The following CD109 variants were observed in gnomAD, a reference collection of about 807,000 sequenced individuals.
CD109 encodes CD109 antigen.
In CD109, 149 loss-of-function variants were observed where a neutral mutation model predicts 165.8. The observed-to-expected ratio is 0.90, with a 90% confidence interval of 0.79 to 1.03. CD109 has a LOEUF of 1.03. Ranked by LOEUF, CD109 falls within the 50% of genes least tolerant of loss-of-function variation. CD109 has a pLI of 0.00. For synonymous variants in CD109, 585 were observed against 592.1 expected (o/e 0.99, Z 0.18); for missense variants, 1,712 against 1,677.8 (o/e 1.02, Z -0.36).
At chr6:73,738,592 T>C (rs968709636) in intron 5 of CD109, among the ~76,000 whole-genome samples, 1 of 152,220 alleles carries the variant, frequency 6.6e-6, no homozygotes, top group Non-Finnish European at 1.5e-5. Flanking sequence ...ATTTATAGGA[T>C]TTATCATGTT....
intron 3 of CD109, 68 bp from the exon 4 acceptor site, chr6:73,730,276 A>C: frequency 5.0e-6 from 5 of 995,906 alleles, no homozygotes; most frequent in Non-Finnish European, 7.7e-6. Flanking sequence ...TTTTATTCTA[A>C]CTTGCAATTA....
Position 73,807,069 on chromosome 6 carries a change from T to C in CD109, c.3186T>C (p.Tyr1062=), listed in dbSNP as rs771838217. 1.9e-6 allele frequency: 3 copies of C among 1,605,934 alleles called. No homozygotes were observed. In the East Asian group the frequency reaches 6.7e-5, roughly 36 times the overall value. The change falls in exon 25 of 33, where the codon TAT becomes TAC. Residue 1062 remains tyrosine, a synonymous_variant. Transcript: ENST00000287097. ...IVTSLLGYRK[Y]QPNIDVQESI... Reference sequence around the variant, plus strand: ...CTTCTCTCCTGGGATATAGAAAGTATCAGGTATTTCGTATTTAATTTAATA... The same window carrying C: ...CTTCTCTCCTGGGATATAGAAAGTACCAGGTATTTCGTATTTAATTTAATA...
rs115957710 is a variant in CD109, at chr6:73,802,760, G to A, written c.2879-460G>A. On this transcript the variant is annotated intron_variant, in intron 23 of 32. Transcript: ENST00000287097. ...GTTGCCTAGGCTGGAGTGCAATGAC[G>A]CAAATCTCGGCTCACTGCAACCTCT... Among the ~76,000 whole-genome samples the A allele has an allele frequency of 6.3e-3, 930 of 148,798 alleles. 11 individuals carry two copies. The highest frequency in any genetic ancestry group is 0.022 in the African/African-American group (875 of 40,256).
In CD109 at chr6:73,762,495, C is replaced by T. The variant is rs1366858283; in HGVS notation, c.855+15C>T. The T allele has an allele frequency of 2.7e-6, 4 of 1,476,822 alleles. No homozygotes were observed. Among genetic ancestry groups the T allele is most frequent in the East Asian group, 2.3e-5 (1 of 44,104 alleles). 91.5% of individuals were successfully genotyped at this position (1,476,822 alleles called of 1,614,324 possible). A position where few individuals can be genotyped will look rare whatever the true frequency, so the allele number is the denominator to read the frequency against. The stretch of plus-strand genomic sequence containing the variant: ...AAACATTTAAGGTAACTTTTGCAGA[C>T]ACTTTATAACTTGTGATGGGTAAAA... On this transcript the variant is annotated intron_variant, in intron 8 of 32. Coordinates refer to ENST00000287097, the MANE Select transcript of CD109 (RefSeq NM_133493.5).
At position 73,764,833 on chromosome 6, in the gene CD109, A is replaced by G. The variant is rs1031559466; in HGVS notation, c.1108-1097A>G. Among the ~76,000 whole-genome samples the G allele has an allele frequency of 2.6e-5, 4 of 151,258 alleles. No homozygotes were observed. The East Asian group carries it at 7.7e-4, about 29-fold the overall frequency. ...CTCCATTTCAAAAAAAAAAAAAAAA[A>G]CAACTAAAACGACAAAGAAAGAATG... On this transcript the variant is annotated intron_variant, in intron 10 of 32. Coordinates refer to ENST00000287097, the MANE Select transcript of CD109 (RefSeq NM_133493.5).
At position 73,807,044 on chromosome 6, in the gene CD109, C is replaced by G. The variant is rs141815508; in HGVS notation, c.3161C>G (p.Thr1054Ser). Residue 1054 changes from threonine (T) to serine (S), a missense_variant, in exon 25 of 33, where the codon ACT (threonine) becomes AGT (serine). Physicochemically the swap from Thr to Ser is moderately conservative, Grantham distance 58 (BLOSUM62 1). Transcript: ENST00000287097. ...SPVTLTAYIV[T>S]SLLGYRKYQP... is the part of the protein sequence containing the mutation. ...GTAACACTTACAGCCTATATTGTAACTTCTCTCCTGGGATATAGAAAGTAT... is the reference window on the plus strand; with the variant it reads ...GTAACACTTACAGCCTATATTGTAAGTTCTCTCCTGGGATATAGAAAGTAT... 2.2e-4 allele frequency: 361 copies of G among 1,613,076 alleles called. 1 individual carries two copies. Among genetic ancestry groups the G allele is most frequent in the Non-Finnish European group, 2.9e-4 (337 of 1,179,190 alleles).
chr6:73,803,236 T>C lies in CD109; in HGVS notation c.2895T>C (p.Leu965=), dbSNP rs1369262538. ...TGTGTCTAGGTTACCAGAGAGAACT[T>C]CTCTATCAGAGGGAAGATGGCTCTT... is the stretch of plus-strand genomic sequence containing the variant. ...SFMRQGYQRE[L]LYQREDGSFS... Residue 965 remains leucine, a synonymous_variant, in exon 24 of 33, where the codon CTT becomes CTC. Transcript: ENST00000287097. 1.9e-6 allele frequency: 3 copies of C among 1,611,044 alleles called. No individual in the cohort carries two copies. The South Asian group carries it at 3.3e-5, about 18-fold the overall frequency.
chr6:73,727,572 AT>A (rs1295181466), intron 3 of CD109, among the ~76,000 whole-genome samples: 1 of 152,202 alleles, frequency 6.6e-6, no homozygotes, highest in African/African-American at 2.4e-5. Flanking sequence ...AGGAGGTAGA[AT>A]AAAATGTTTT....
Position 73,696,298 on chromosome 6 carries a change from G to C in CD109, c.74+9G>C, listed in dbSNP as rs1240156108. 6.7e-7 allele frequency: 1 copy of C among 1,496,842 alleles called. No homozygotes were observed. The highest frequency in any genetic ancestry group is 8.8e-7 in the Non-Finnish European group (1 of 1,132,108). 92.7% of individuals were successfully genotyped at this position (1,496,842 alleles called of 1,614,324 possible). On this transcript the variant is annotated intron_variant, in intron 1 of 32. Coordinates refer to ENST00000287097, the MANE Select transcript of CD109 (RefSeq NM_133493.5). ...CTGGCCGTGGCTCCCGGGTAGGAAC[G>C]TGGGCGCGCGGGGGGCGCGCGGGCG...
intron 2 of CD109, among the ~76,000 whole-genome samples, chr6:73,719,004 A>G (rs1043906315): frequency 6.6e-6 from 1 of 152,216 alleles, no homozygotes; most frequent in African/African-American, 2.4e-5. Flanking sequence ...AAGAAAGAGA[A>G]ACAGGTGAAA....
intron 24 of CD109, among the ~76,000 whole-genome samples, chr6:73,804,389 T>C (rs767672167): frequency 5.3e-5 from 8 of 152,238 alleles, no homozygotes; most frequent in Non-Finnish European, 8.8e-5. Context: ...CAAACTTTTC[T>C]GTAAAGGGTC....
At chr6:73,754,251 A>G (rs1006317921) in intron 5 of CD109, among the ~76,000 whole-genome samples, 1 of 152,206 alleles carries the variant, frequency 6.6e-6, no homozygotes, top group Non-Finnish European at 1.5e-5. Flanking sequence ...TAGGAATGGC[A>G]GTTAAAACCC....
At chr6:73,688,761 G>GTTTTTTTTTTTTTTTT in the CD109 span, among the ~76,000 whole-genome samples, 3 of 73,530 alleles carry the variant, frequency 4.1e-5, no homozygotes, top group Non-Finnish European at 8.1e-5. Flanking sequence ...GTTTTTCTTT[G>GTTTTTTTTTTTTTTTT]TTTTTTTTTT....
At chr6:73,727,508 T>C (rs771053265) in intron 3 of CD109, among the ~76,000 whole-genome samples, 1 of 152,198 alleles carries the variant, frequency 6.6e-6, no homozygotes, top group Non-Finnish European at 1.5e-5. Context: ...AACAGGAAGA[T>C]AGTCAGTAAT....
chr6:73,739,893 G>A (rs911244884), intron 5 of CD109, among the ~76,000 whole-genome samples: 5 of 152,162 alleles, frequency 3.3e-5, no homozygotes, highest in African/African-American at 1.2e-4. Flanking sequence ...GTAAGAGACA[G>A]GGTTGTCGTC....
chr6:73,767,480 T>A (rs1349782756), intron 13 of CD109, among the ~76,000 whole-genome samples: 3 of 152,140 alleles, frequency 2.0e-5, no homozygotes, highest in African/African-American at 7.2e-5. Flanking sequence ...AGGTTGAGAA[T>A]CATCTTAAAT....
At chr6:73,734,488 T>C (rs986389428) in intron 4 of CD109, among the ~76,000 whole-genome samples, 4 of 152,284 alleles carry the variant, frequency 2.6e-5, no homozygotes, top group South Asian at 2.1e-4. Flanking sequence ...ATTGGCTATT[T>C]GTATTTCTTC....
the CD109 span, among the ~76,000 whole-genome samples, chr6:73,685,361 A>G: frequency 6.6e-6 from 1 of 151,528 alleles, no homozygotes; most frequent in Admixed American, 6.6e-5. Context: ...TTTTTTTTCC[A>G]GAAGCTTTTT....
At chr6:73,706,275 G>A (rs1168289202) in intron 2 of CD109, among the ~76,000 whole-genome samples, 1 of 152,170 alleles carries the variant, frequency 6.6e-6, no homozygotes, top group African/African-American at 2.4e-5. Flanking sequence ...AGAAACACAG[G>A]ACTGGAGATC....
Sources: allele counts gnomAD v4.1 joint callset (sites outside exome capture counted in the v4.1 genomes callset), GRCh38; gene constraint gnomAD v4.1.1; transcripts MANE v1.5; gene names NCBI Gene and HGNC (gene_info 2026-07-23, HGNC 2026-07-21).